The following DAB1 variants were observed in gnomAD, a reference collection of about 807,000 sequenced individuals.
The protein encoded by DAB1 is disabled homolog 1.
A neutral mutation model predicts 64.6 loss-of-function variants in DAB1; 15 were observed. The observed-to-expected ratio is 0.23, with a 90% CI of 0.16 to 0.36. DAB1 has a LOEUF of 0.36. Ranked by LOEUF, DAB1 falls within the 10% of genes least tolerant of loss-of-function variation. The probability of loss-of-function intolerance (pLI) is 1.00; values close to 1 mark genes in which losing one functional copy is unlikely to be tolerated. For synonymous variants in DAB1, 235 were observed against 251.9 expected, an observed-to-expected ratio of 0.93 and a Z score of 0.64; for missense variants, 596 against 706.7, an observed-to-expected ratio of 0.84 and a Z score of 1.78.
At chr1:58,454,105 G>A (rs1645166589) in intron 3 of DAB1, among the ~76,000 whole-genome samples, 1 of 152,114 alleles carries the variant, frequency 6.6e-6, no homozygotes, top group East Asian at 1.9e-4. Context: ...TTTTAAATCT[G>A]CTACACAATT....
At chr1:58,379,248 G>A (rs1419358913) in intron 3 of DAB1, among the ~76,000 whole-genome samples, 3 of 152,250 alleles carry the variant, frequency 2.0e-5, no homozygotes, top group Non-Finnish European at 2.9e-5. Context: ...TATCTTGGAA[G>A]TAGCAGTCAG....
rs1645487942 is a variant in DAB1, at chr1:57,960,319, T to C, written n.388-76157A>G. Among the ~76,000 whole-genome samples the C allele has an allele frequency of 3.9e-5, 6 of 152,156 alleles. No homozygotes were observed. The South Asian group carries it at 1.2e-3, about 31-fold the overall frequency. ...CTGTCTGAGCCCAAAATTTCTCTCCTGTAAAAGACAGATAATAACTGTTTC... is the reference window on the plus strand; with the variant it reads ...CTGTCTGAGCCCAAAATTTCTCTCCCGTAAAAGACAGATAATAACTGTTTC... On this transcript the variant is annotated intron_variant and non_coding_transcript_variant, in intron 5 of 20. Transcript: ENST00000485760.
At chr1:57,421,660 A>G (rs1426852247) in intron 1 of DAB1, among the ~76,000 whole-genome samples, 1 of 152,084 alleles carries the variant, frequency 6.6e-6, no homozygotes, top group Non-Finnish European at 1.5e-5. Flanking sequence ...GCCTTTGTGT[A>G]TGGAAAAGAA....
At position 57,420,695 on chromosome 1, in the gene DAB1, C is replaced by G. The variant is rs371438334; in HGVS notation, c.-137+3235G>C. ...GAAATCCTGCTATGTGCCAAAGCACCCAATCATATGATTTTCTCCATAAAA... is the reference window on the plus strand; with the variant it reads ...GAAATCCTGCTATGTGCCAAAGCACGCAATCATATGATTTTCTCCATAAAA... On this transcript the variant is annotated intron_variant, in intron 1 of 14. Transcript: ENST00000371236. Among the ~76,000 whole-genome samples, 8 of 152,166 alleles carry G rather than the reference C, an allele frequency of 5.3e-5. No homozygotes were observed. The East Asian group carries it at 1.2e-3, about 22-fold the overall frequency.
intron 2 of DAB1, among the ~76,000 whole-genome samples, chr1:57,163,467 T>G (rs1413629980): frequency 6.6e-6 from 1 of 151,102 alleles, no homozygotes; most frequent in Admixed American, 6.6e-5. Context: ...GGGTTAGAGG[T>G]GGAAGTCAGG....
chr1:58,461,043 G>A (rs644319), intron 3 of DAB1, among the ~76,000 whole-genome samples: 132,703 of 152,222 alleles, frequency 0.87, 58,568 homozygotes, highest in African/African-American at 0.94. Context: ...GATTATGAAA[G>A]CCTTCTGTAC....
intron 4 of DAB1, among the ~76,000 whole-genome samples, chr1:58,229,571 G>A (rs1659679291): frequency 6.6e-6 from 1 of 152,072 alleles, no homozygotes; most frequent in African/African-American, 2.4e-5. Flanking sequence ...TCAATCAATG[G>A]GGGGCATCGG....
rs114818849 is a variant in DAB1, at chr1:57,013,211, A to G, written c.1444+1672T>C. Among the ~76,000 whole-genome samples, 570 of 152,302 alleles carry G rather than the reference A, an allele frequency of 3.7e-3. 3 individuals carry two copies. Among genetic ancestry groups the G allele is most frequent in the African/African-American group, 0.013 (549 of 41,574 alleles). ...ACATAACAGTAGCTAAGTCATCTCC[A>G]TTTTGTTTATTTCATTCTCTATAAC... is the stretch of plus-strand genomic sequence containing the variant. On this transcript the variant is annotated intron_variant, in intron 12 of 14. Transcript: ENST00000371236.
intron 6 of DAB1, among the ~76,000 whole-genome samples, chr1:57,680,033 A>G (rs1646617886): frequency 6.6e-6 from 1 of 152,234 alleles, no homozygotes; most frequent in South Asian, 2.1e-4. Context: ...CAAGGTCCAT[A>G]CTATGTTATG....
intron 7 of DAB1, among the ~76,000 whole-genome samples, chr1:57,069,632 G>C (rs1651263391): frequency 6.6e-6 from 1 of 152,184 alleles, no homozygotes; most frequent in Admixed American, 6.5e-5. Flanking sequence ...AGGTCTGCTG[G>C]TCAGTATTTC....
At chr1:57,614,158 C>G (rs986939121) in intron 7 of DAB1, among the ~76,000 whole-genome samples, 5 of 152,074 alleles carry the variant, frequency 3.3e-5, no homozygotes, top group African/African-American at 9.7e-5. Flanking sequence ...AAATGAGGGC[C>G]CTGGTGTGCC....
chr1:57,261,900 A>G (rs1670210678), intron 2 of DAB1, among the ~76,000 whole-genome samples: 1 of 152,238 alleles, frequency 6.6e-6, no homozygotes, highest in Non-Finnish European at 1.5e-5. Flanking sequence ...GAAGACAGGG[A>G]CACAGATAGT....
chr1:57,320,765 T>C (rs1264360581), intron 1 of DAB1, among the ~76,000 whole-genome samples: 1 of 152,194 alleles, frequency 6.6e-6, no homozygotes, highest in Non-Finnish European at 1.5e-5. Context: ...CTAAGTACCC[T>C]ATACATATAA....
intron 1 of DAB1, among the ~76,000 whole-genome samples, chr1:57,344,471 GT>G (rs1388742924): frequency 6.6e-6 from 1 of 152,148 alleles, no homozygotes; most frequent in African/African-American, 2.4e-5. Flanking sequence ...TTCACACTTG[GT>G]TTGAATGAGG....
intron 3 of DAB1, among the ~76,000 whole-genome samples, chr1:58,442,085 G>A (rs1645016682): frequency 6.6e-6 from 1 of 152,188 alleles, no homozygotes. Flanking sequence ...GCACACTGGG[G>A]TGCCTCCAGC....
chr1:57,334,558 A>C (rs1344500114), intron 1 of DAB1, among the ~76,000 whole-genome samples: 5 of 152,252 alleles, frequency 3.3e-5, no homozygotes, highest in Admixed American at 3.3e-4. Flanking sequence ...GGTTTATTGT[A>C]AGTACTTTAC....
intron 5 of DAB1, among the ~76,000 whole-genome samples, chr1:58,120,978 T>C (rs898327813): frequency 8.5e-5 from 13 of 152,150 alleles, no homozygotes; most frequent in African/African-American, 3.1e-4. Context: ...GAGTTTCATC[T>C]CGTTAGGTTC....
chr1:58,052,546 A>G (rs1158047778), intron 5 of DAB1, among the ~76,000 whole-genome samples: 2 of 152,164 alleles, frequency 1.3e-5, no homozygotes, highest in African/African-American at 4.8e-5. Context: ...TTGGTTCCAT[A>G]TGAACTTTAA....
intron 4 of DAB1, among the ~76,000 whole-genome samples, chr1:58,200,792 G>A (rs1473866790): frequency 6.6e-6 from 1 of 152,090 alleles, no homozygotes; most frequent in Non-Finnish European, 1.5e-5. Context: ...AAAGAACCAA[G>A]CTCCACTAAT....
Sources: gnomAD v4.1 joint callset for allele counts (sites outside exome capture counted in the v4.1 genomes callset) on GRCh38, gnomAD v4.1.1 for gene constraint, MANE v1.5 for transcripts, NCBI Gene and HGNC (gene_info 2026-07-23, HGNC 2026-07-21) for gene names.